EPG5: variants seen among roughly 807,000 people sequenced by gnomAD.
EPG5 encodes ectopic P granules protein 5 homolog.
Under a neutral mutation model 302.7 loss-of-function variants are expected in EPG5, and 159 were observed. The ratio of observed to expected loss-of-function variants is 0.53; its 90% confidence interval spans 0.46 to 0.60. The LOEUF is 0.60. Ranked by LOEUF, EPG5 falls within the 20% of genes least tolerant of loss-of-function variation. The pLI, the probability that EPG5 is intolerant of heterozygous loss-of-function variation, is 0.00. For missense variants in EPG5, 2,896 were observed against 3,092.4 expected (o/e 0.94, Z 1.51); for synonymous variants, 1,158 against 1,136.8 (o/e 1.02, Z -0.37).
At chr18:45,859,214 G>C (rs758137805) in intron 40 of EPG5, among the ~76,000 whole-genome samples, 2 of 152,210 alleles carry the variant, frequency 1.3e-5, no homozygotes, top group Admixed American at 1.3e-4. Context: ...CTCAATCTGT[G>C]AGTAGTTTTA....
At position 45,916,197 on chromosome 18, in the gene EPG5, A is replaced by G; in HGVS notation, c.3394T>C (p.Ser1132Pro). ...LLNSMIQAHI[S>P]VSTQPNEVGP... Reference sequence around the variant, plus strand: ...ACTTCATTGGGCTGAGTGCTTACAGATATGTGTGCCTGTGGAGAAAAGGCT... The same window carrying G: ...ACTTCATTGGGCTGAGTGCTTACAGGTATGTGTGCCTGTGGAGAAAAGGCT... Residue 1132 changes from serine (S) to proline (P), a missense_variant, in exon 19 of 44, where the codon TCT (serine) becomes CCT (proline). Ser to Pro is a moderately conservative substitution (Grantham distance 74, BLOSUM62 -1). Transcript: ENST00000282041. The G allele has an allele frequency of 1.2e-6, 2 of 1,611,456 alleles. No homozygotes were observed. The highest frequency in any genetic ancestry group is 1.7e-6 in the Non-Finnish European group (2 of 1,179,194).
rs768810758 is a variant in EPG5, at chr18:45,899,555, A to T, written c.4658T>A (p.Leu1553His). 1 of 1,614,108 alleles carries T rather than the reference A, an allele frequency of 6.2e-7. No individual in the cohort carries two copies. Among genetic ancestry groups the T allele is most frequent in the Non-Finnish European group, 8.5e-7 (1 of 1,179,946 alleles). The change falls in exon 27 of 44, where the codon CTT becomes CAT. Residue 1553 changes from leucine (L) to histidine (H), a missense_variant. Transcript: ENST00000282041. ...LLQQQARTAALRESQQVALDG... is the reference protein window; with the variant it reads ...LLQQQARTAAHRESQQVALDG... ...CAGAGCAACCTGCTGAGATTCCCGAAGAGCTGCGGTTCTGAAAAACATCAT... is the reference window on the plus strand; with the variant it reads ...CAGAGCAACCTGCTGAGATTCCCGATGAGCTGCGGTTCTGAAAAACATCAT...
intron 22 of EPG5, 114 bp downstream of exon 22, chr18:45,912,176 G>T: frequency 1.0e-6 from 1 of 979,674 alleles, no homozygotes; most frequent in Non-Finnish European, 1.4e-6. Context: ...GTCCTCACCA[G>T]AGATCACCAA....
At chr18:45,884,384 C>T (rs969210701) in intron 30 of EPG5, among the ~76,000 whole-genome samples, 1 of 152,104 alleles carries the variant, frequency 6.6e-6, no homozygotes, top group Non-Finnish European at 1.5e-5. Context: ...AAAACCGGTC[C>T]CTGGTGCCAA....
chr18:45,815,883 CA>C, the EPG5 span, among the ~76,000 whole-genome samples: 1 of 152,146 alleles, frequency 6.6e-6, no homozygotes, highest in African/African-American at 2.4e-5. Context: ...TACCTGATTT[CA>C]AACTATACTA....
At chr18:45,890,834 G>A (rs2049329020) in intron 27 of EPG5, among the ~76,000 whole-genome samples, 1 of 152,202 alleles carries the variant, frequency 6.6e-6, no homozygotes, top group African/African-American at 2.4e-5. Flanking sequence ...AGAGATACAG[G>A]AAGGAGGAGC....
chr18:45,967,021 G>A (rs1023062068), intron 1 of EPG5, among the ~76,000 whole-genome samples, 156 bp downstream of exon 1: 3 of 152,102 alleles, frequency 2.0e-5, no homozygotes, highest in Non-Finnish European at 2.9e-5. Context: ...GAGAAGGGCC[G>A]GTGTCAACGG....
At position 45,882,132 on chromosome 18, in the gene EPG5, A is replaced by T. The variant is rs893940687; in HGVS notation, c.5518+142T>A. On this transcript the variant is annotated intron_variant, in intron 31 of 43. Transcript: ENST00000282041. ...ACAACTTTTTGGGCCTTGTTCATCA[A>T]GCCCTTTAGATGACAATTAGTGATT... 2.1e-5 allele frequency: 16 copies of T among 747,378 alleles called. No homozygotes were observed. In the African/African-American group the frequency reaches 2.8e-4, roughly 13 times the overall value. 46.3% of individuals were successfully genotyped at this position (747,378 alleles called of 1,614,324 possible).
chr18:45,857,815 C>G (rs374774638), intron 42 of EPG5, 38 bp downstream of exon 42: 61 of 1,569,396 alleles, frequency 3.9e-5, no homozygotes, highest in Non-Finnish European at 5.3e-5. Context: ...TGTCTGAGGC[C>G]TATTTAGAAC....
chr18:45,967,051 G>A, intron 1 of EPG5, 126 bp downstream of exon 1: 1 of 872,520 alleles, frequency 1.1e-6, no homozygotes, highest in Non-Finnish European at 1.7e-6. Flanking sequence ...TCAAATATTG[G>A]AAGGTGGAGG....
At position 45,910,152 on chromosome 18, in the gene EPG5, A is replaced by AT. The variant is rs971018636; in HGVS notation, c.4205+368dup. Among the ~76,000 whole-genome samples the AT allele has an allele frequency of 4.0e-5, 6 of 149,918 alleles. No homozygotes were observed. The Middle Eastern group carries it at 0.01, about 255-fold the overall frequency. On this transcript the variant is annotated intron_variant, in intron 23 of 43. Transcript: ENST00000282041. ...AGGTGCACGCCACCAGGCTTGGCTA[A>AT]TTTTTTTTTTATTTTTTGTAGAGAT...
chr18:45,950,951 C>G (rs2050894443), intron 4 of EPG5, 151 bp downstream of exon 4: 2 of 492,380 alleles, frequency 4.1e-6, no homozygotes, highest in Admixed American at 8.6e-5. Context: ...TAACTTACTA[C>G]CATGTATCAT....
intron 16 of EPG5, among the ~76,000 whole-genome samples, chr18:45,920,064 C>A (rs562132745): frequency 1.0e-3 from 154 of 152,318 alleles, no homozygotes; most frequent in African/African-American, 3.5e-3. Context: ...CTCCATTCTC[C>A]AACATGAATC....
At chr18:45,837,971 G>A in the EPG5 span, 2 of 1,400,646 alleles carry the variant, frequency 1.4e-6, no homozygotes. Flanking sequence ...GGCTACGTGG[G>A]TGCCAGGCGC....
At chr18:45,939,170 A>T (rs1464006778) in intron 10 of EPG5, among the ~76,000 whole-genome samples, 1 of 152,262 alleles carries the variant, frequency 6.6e-6, no homozygotes, top group Non-Finnish European at 1.5e-5. Context: ...AAGATCCATG[A>T]CATTCCCAGA....
At chr18:45,944,511 T>C (rs143406553) in intron 7 of EPG5, among the ~76,000 whole-genome samples, 2,169 of 152,162 alleles carry the variant, frequency 0.014, 26 homozygotes, top group Middle Eastern at 0.031. Context: ...TCCCAGCACT[T>C]TGGAAGGCCG....
rs2050985627 is a variant in EPG5, at chr18:45,954,675, A to G, written c.727T>C (p.Tyr243His). Residue 243 changes from tyrosine (Y) to histidine (H), a missense_variant, in exon 2 of 44, where the codon TAC (tyrosine) becomes CAC (histidine). Physicochemically the swap from Tyr to His is moderately conservative, Grantham distance 83. Transcript: ENST00000282041. The stretch of plus-strand genomic sequence containing the variant: ...TCCAGTTGAGACGGGAGTTCTGGGT[A>G]GAGTCGCTCACTGCGAAGCAAGGGT... ...VKPLLRSERL[Y>H]PELPSQLELV... 1.2e-6 allele frequency: 2 copies of G among 1,614,264 alleles called. No homozygotes were observed. The highest frequency in any genetic ancestry group is 1.7e-6 in the Non-Finnish European group (2 of 1,180,050).
At position 45,929,028 on chromosome 18, in the gene EPG5, G is replaced by T. The variant is rs778861279; in HGVS notation, c.2413-19C>A. 1.9e-6 allele frequency: 3 copies of T among 1,601,886 alleles called. No individual in the cohort carries two copies. In the Admixed American group the frequency reaches 5.1e-5, roughly 27 times the overall value. On this transcript the variant is annotated intron_variant, in intron 12 of 43. Coordinates refer to ENST00000282041, the MANE Select transcript of EPG5 (RefSeq NM_020964.3). ...AAGATACCTAAATGGGGGGAAGGGG[G>T]AAGAAGATGGCACTTTTAATATCAA...
intron 36 of EPG5, chr18:45,868,201 T>C: frequency 2.2e-6 from 1 of 455,058 alleles, no homozygotes; most frequent in Admixed American, 2.3e-5. Context: ...CCCCTAGAGC[T>C]TTTAATTTTG....
Sources: gnomAD v4.1 joint callset for allele counts (sites outside exome capture counted in the v4.1 genomes callset) on GRCh38, gnomAD v4.1.1 for gene constraint, MANE v1.5 for transcripts, NCBI Gene and HGNC (gene_info 2026-07-23, HGNC 2026-07-21) for gene names.